Variants in CREB3L1 observed in about 807,000 individuals in gnomAD.
The protein encoded by CREB3L1 is cyclic AMP-responsive element-binding protein 3-like protein 1.
A neutral mutation model predicts 54.5 loss-of-function variants in CREB3L1; 33 were observed. The ratio of observed to expected loss-of-function variants is 0.61; its 90% CI spans 0.46 to 0.81. The LOEUF is 0.81. Ranked by LOEUF, CREB3L1 falls within the 30% of genes least tolerant of loss-of-function variation. The pLI is 0.00. For synonymous variants in CREB3L1, 284 were observed against 286.4 expected, an observed-to-expected ratio of 0.99 and a Z score of 0.08; for missense variants, 656 against 673.3, an observed-to-expected ratio of 0.97 and a Z score of 0.29.
intron 2 of CREB3L1, among the ~76,000 whole-genome samples, chr11:46,302,849 C>T (rs976420744): frequency 2.0e-5 from 3 of 152,144 alleles, no homozygotes; most frequent in Non-Finnish European, 2.9e-5. Context: ...GGCATGGTGG[C>T]GTGCGCCTGT....
At chr11:46,317,311 C>A in intron 9 of CREB3L1, 50 bp from the exon 10 acceptor site, 1 of 1,609,530 alleles carries the variant, frequency 6.2e-7, no homozygotes. Context: ...TGGTCAGGGC[C>A]GTGGCCCCTC....
intron 1 of CREB3L1, among the ~76,000 whole-genome samples, chr11:46,298,709 A>C (rs1939248651): frequency 6.6e-6 from 1 of 152,146 alleles, no homozygotes; most frequent in South Asian, 2.1e-4. Flanking sequence ...GCAAGACAGA[A>C]AGAGAGAGAA....
chr11:46,317,433 C>T lies in CREB3L1; in HGVS notation c.1204C>T (p.Gln402Ter). The change falls in exon 10 of 12, where the codon CAG (glutamine) becomes TAG (stop). Residue 402 changes from glutamine to a stop codon, truncating the protein, a stop_gained. Transcript: ENST00000621158. LOFTEE classifies it high-confidence loss of function. ...CCTTCCCGAGTTCTCCTCCGGCTCCCAGACTGTGAAGGAAGACCCCCTGGC... is the reference window on the plus strand; with the variant it reads ...CCTTCCCGAGTTCTCCTCCGGCTCCTAGACTGTGAAGGAAGACCCCCTGGC... Reference protein sequence around the residue: ...PCLPEFSSGSQTVKEDPLAAD... With the variant: ...PCLPEFSSGS 1 of 1,613,628 alleles carries T rather than the reference C, an allele frequency of 6.2e-7. No homozygotes were observed. Among genetic ancestry groups the T allele is most frequent in the Non-Finnish European group, 8.5e-7 (1 of 1,179,872 alleles).
chr11:46,279,999 G>A (rs1938943181), intron 1 of CREB3L1, among the ~76,000 whole-genome samples: 1 of 152,178 alleles, frequency 6.6e-6, no homozygotes, highest in Admixed American at 6.5e-5. Context: ...GCCCTGCTGG[G>A]GAGGCTCCTG....
intron 1 of CREB3L1, among the ~76,000 whole-genome samples, chr11:46,298,297 T>C (rs1939242537): frequency 6.6e-6 from 1 of 152,214 alleles, no homozygotes; most frequent in Admixed American, 6.5e-5. Flanking sequence ...CACAAGCCTT[T>C]AACCACTCAG....
chr11:46,309,529 A>C, intron 3 of CREB3L1, among the ~76,000 whole-genome samples: 1 of 152,166 alleles, frequency 6.6e-6, no homozygotes. Context: ...ACTTCTATTT[A>C]TACCCCGGGA....
chr11:46,304,600 C>A (rs146424496), intron 2 of CREB3L1, among the ~76,000 whole-genome samples: 1 of 152,080 alleles, frequency 6.6e-6, no homozygotes, highest in African/African-American at 2.4e-5. Flanking sequence ...TACCTCCCCC[C>A]AAACCCCATG....
Position 46,300,155 on chromosome 11 carries a change from C to G in CREB3L1, c.323C>G (p.Thr108Ser). Residue 108 changes from threonine (T) to serine (S), a missense_variant, in exon 2 of 12, where the codon ACC (threonine) becomes AGC (serine). This residue lies in a region of CREB3L1 where 339 missense variants were observed against 331.5 expected (regional missense o/e 1.02). Coordinates refer to ENST00000621158, the MANE Select transcript of CREB3L1 (RefSeq NM_052854.4). ...CTTGTGCCCATCAAGATGGAGGACA[C>G]CACCCAAGGTAAGAGGTGGAAGAAC... ...SPLVPIKMED[T>S]TQDAEHGAWA... 1 of 1,611,472 alleles carries G rather than the reference C, an allele frequency of 6.2e-7. No individual in the cohort carries two copies. Among genetic ancestry groups the G allele is most frequent in the South Asian group, 1.1e-5 (1 of 90,640 alleles).
intron 1 of CREB3L1, among the ~76,000 whole-genome samples, chr11:46,290,157 G>A (rs1467622933): frequency 2.6e-5 from 4 of 152,116 alleles, no homozygotes; most frequent in Admixed American, 2.0e-4. Flanking sequence ...CTGGCCTGGG[G>A]AGGCCCAAGG....
At position 46,278,929 on chromosome 11, in the gene CREB3L1, T is replaced by G. The variant is rs1938926054; in HGVS notation, c.102+716T>G. On this transcript the variant is annotated intron_variant, in intron 1 of 11. Transcript: ENST00000621158. This position sits in a 1 kb window ranked among gnomAD's most constrained non-coding sequence, Gnocchi z 4.2. The stretch of plus-strand genomic sequence containing the variant: ...ACTAGGTCCGACTGTGAGCTTGTCT[T>G]TCTCCTCTTTCTCACTCTTCCCCTC... Among the ~76,000 whole-genome samples the G allele has an allele frequency of 6.6e-6, 1 of 152,206 alleles. No homozygotes were observed. The highest frequency in any genetic ancestry group is 6.5e-5 in the Admixed American group (1 of 15,284).
chr11:46,289,768 C>T (rs1939105783), intron 1 of CREB3L1, among the ~76,000 whole-genome samples: 1 of 152,182 alleles, frequency 6.6e-6, no homozygotes, highest in Admixed American at 6.5e-5. Context: ...GGCTCCAGCT[C>T]TAGTGGTAAG....
Position 46,278,442 on chromosome 11 carries a change from CG to C in CREB3L1, c.102+232del, listed in dbSNP as rs1938913435. On this transcript the variant is annotated intron_variant, in intron 1 of 11. Transcript: ENST00000621158. This position sits in a 1 kb window ranked among gnomAD's most constrained non-coding sequence, Gnocchi z 4.2. Reference sequence around the variant, plus strand: ...TAGGGGGAAGGGGCCATCGAGGTATCGGGTCCGTCCGATCCTCGGATCTGAG... The same window carrying C: ...TAGGGGGAAGGGGCCATCGAGGTATCGGTCCGTCCGATCCTCGGATCTGAG... Among the ~76,000 whole-genome samples the C allele has an allele frequency of 6.6e-6, 1 of 152,218 alleles. No individual in the cohort carries two copies. The highest frequency in any genetic ancestry group is 1.5e-5 in the Non-Finnish European group (1 of 68,026).
chr11:46,310,770 T>C, intron 4 of CREB3L1: 1 of 436,878 alleles, frequency 2.3e-6, no homozygotes, highest in Non-Finnish European at 4.0e-6. Context: ...GCTCCTATGA[T>C]GTCTATGCCA....
Position 46,305,570 on chromosome 11 carries a change from T to TTATATA in CREB3L1, c.332-2236_332-2231dup, listed in dbSNP as rs1335228537. On this transcript the variant is annotated intron_variant, in intron 2 of 11. Coordinates refer to ENST00000621158, the MANE Select transcript of CREB3L1 (RefSeq NM_052854.4). ...CCCCACACGAGGGCAGAGTGATCTT[T>TTATATA]TATATATATATATATGTATATATAC... 2.0e-5 allele frequency among the ~76,000 whole-genome samples: 3 copies of TTATATA among 147,752 alleles called. No homozygotes were observed. The East Asian group carries it at 5.9e-4, about 29-fold the overall frequency.
chr11:46,306,506 TA>T (rs61418557), intron 2 of CREB3L1, among the ~76,000 whole-genome samples: 23,720 of 126,658 alleles, frequency 0.19, 2,043 homozygotes, highest in Middle Eastern at 0.31. Flanking sequence ...CCTGTCTCAA[TA>T]AAAAAAAAAA....
chr11:46,278,987 TTCCC>T lies in CREB3L1; in HGVS notation c.102+785_102+788del, dbSNP rs1229589733. 6.6e-6 allele frequency among the ~76,000 whole-genome samples: 1 copy of T among 152,136 alleles called. No individual in the cohort carries two copies. Among genetic ancestry groups the T allele is most frequent in the African/African-American group, 2.4e-5 (1 of 41,438 alleles). On this transcript the variant is annotated intron_variant, in intron 1 of 11. Transcript: ENST00000621158. This position sits in a 1 kb window ranked among gnomAD's most constrained non-coding sequence, Gnocchi z 4.2. ...AAGGAAACGTGGCTTCTCTCTCTTC[TTCCC>T]TCCCTCCCTCTCTCAGGCTCAGCCC... is the stretch of plus-strand genomic sequence containing the variant.
chr11:46,320,993 C>G lies in CREB3L1; in HGVS notation c.*247C>G. On this transcript the variant is annotated 3_prime_UTR_variant, in exon 12 of 12. Coordinates refer to ENST00000621158, the MANE Select transcript of CREB3L1 (RefSeq NM_052854.4). ...CTCAGACAAACCACTCACTGGGTACCCCACCTCCTCTCTCATATGCCCAAC... is the reference window on the plus strand; with the variant it reads ...CTCAGACAAACCACTCACTGGGTACGCCACCTCCTCTCTCATATGCCCAAC... The G allele has an allele frequency of 1.5e-6, 1 of 645,254 alleles. No homozygotes were observed. The highest frequency in any genetic ancestry group is 2.9e-6 in the Non-Finnish European group (1 of 350,734). The allele number at this position is 645,254 out of a possible 1,614,324, so 40.0% of individuals were successfully genotyped here. A position where few individuals can be genotyped will look rare whatever the true frequency, so the allele number is the denominator to read the frequency against.
chr11:46,314,257 GAA>G (rs1939533994), intron 8 of CREB3L1, among the ~76,000 whole-genome samples: 1 of 150,702 alleles, frequency 6.6e-6, no homozygotes, highest in Non-Finnish European at 1.5e-5. Context: ...AAAAAAGAAA[GAA>G]AAGAAACATT....
At chr11:46,310,192 C>A in intron 4 of CREB3L1, 125 bp downstream of exon 4, 2 of 679,916 alleles carry the variant, frequency 2.9e-6, no homozygotes, top group East Asian at 2.7e-5. Flanking sequence ...TCCTCTCCAC[C>A]CTGCCCTACC....
Sources: allele counts gnomAD v4.1 joint callset (sites outside exome capture counted in the v4.1 genomes callset), GRCh38; gene constraint gnomAD v4.1.1; regional missense constraint gnomAD v4.1.1; non-coding constraint Gnocchi (gnomAD v3.1); transcripts MANE v1.5; gene names NCBI Gene and HGNC (gene_info 2026-07-23, HGNC 2026-07-21).